Variants in TRAPPC10 observed in about 807,000 individuals in gnomAD.
TRAPPC10 encodes trafficking protein particle complex subunit 10.
A neutral mutation model predicts 125.5 loss-of-function variants in TRAPPC10; 23 were observed. That is an observed-to-expected ratio of 0.18 (90% CI 0.13 to 0.26). The LOEUF (loss-of-function observed/expected upper bound fraction) is 0.26, where lower values mean the gene tolerates loss of function less well. TRAPPC10 is among the 10% of genes least tolerant of loss of function. TRAPPC10 has a pLI of 1.00. For missense variants in TRAPPC10, 1,123 were observed against 1,308.4 expected (o/e 0.86, Z 2.19); for synonymous variants, 509 against 518.0 (o/e 0.98, Z 0.24).
At position 44,094,069 on chromosome 21, in the gene TRAPPC10, T is replaced by C; in HGVS notation, c.3004T>C (p.Tyr1002His). Residue 1002 changes from tyrosine (Y) to histidine (H), a missense_variant, in exon 20 of 23, where the codon TAC (tyrosine) becomes CAC (histidine). Around this residue, in one of 4 missense-constraint regions of TRAPPC10, gnomAD observed 840 missense variants for 902.0 expected, o/e 0.93. Coordinates refer to ENST00000291574, the MANE Select transcript of TRAPPC10 (RefSeq NM_003274.5). ...CCCCCAACTCTCTTTCCAGCCCATC[T>C]ACAGCAAGCAGTCGGTGTTCTTCGT... ...PLNTQSQQPI[Y>H]SKQSVFFVWE... 1 of 1,613,344 alleles carries C rather than the reference T, an allele frequency of 6.2e-7. No individual in the cohort carries two copies. The highest frequency in any genetic ancestry group is 8.5e-7 in the Non-Finnish European group (1 of 1,179,808).
At position 44,079,672 on chromosome 21, in the gene TRAPPC10, C is replaced by T. The variant is rs746327394; in HGVS notation, c.1578C>T (p.Ala526=). The T allele has an allele frequency of 1.1e-5, 17 of 1,607,690 alleles. 1 individual carries two copies. Among genetic ancestry groups the T allele is most frequent in the Middle Eastern group, 1.6e-4 (1 of 6,062 alleles). ...TCACACACACAAGGAAGCAGCTGGC[C>T]GAATGTCAAAAGCACCTTGGACAAA... ...LPITHTRKQL[A]ECQKHLGQIE... is the part of the protein sequence containing the mutation. The change falls in exon 12 of 23, where the codon GCC becomes GCT. Residue 526 remains alanine, a synonymous_variant. Coordinates refer to ENST00000291574, the MANE Select transcript of TRAPPC10 (RefSeq NM_003274.5).
intron 1 of TRAPPC10, among the ~76,000 whole-genome samples, chr21:44,013,811 G>C (rs1416356970): frequency 6.6e-6 from 1 of 152,124 alleles, no homozygotes; most frequent in Admixed American, 6.5e-5. Flanking sequence ...TTGGAGACTT[G>C]CATAGTTCAG....
chr21:44,083,470 T>G (rs2096744431), intron 14 of TRAPPC10, among the ~76,000 whole-genome samples, 168 bp downstream of exon 14: 2 of 152,258 alleles, frequency 1.3e-5, no homozygotes, highest in Non-Finnish European at 2.9e-5. Flanking sequence ...CTTTCGTGTT[T>G]TATACAATTT....
In TRAPPC10 at chr21:44,027,681, C is replaced by T. The variant is rs78293273; in HGVS notation, c.68-4410C>T. ...AAGTGCCGGGGGCATAGCAGGCGCA[C>T]GGTGCTGTCTGGAGGGACGGTAAAC... is the stretch of plus-strand genomic sequence containing the variant. On this transcript the variant is annotated intron_variant, in intron 1 of 22. Transcript: ENST00000291574. Among the ~76,000 whole-genome samples the T allele has an allele frequency of 3.7e-3, 567 of 152,256 alleles. 7 individuals are homozygous for T. Among genetic ancestry groups the T allele is most frequent in the African/African-American group, 0.013 (539 of 41,552 alleles).
chr21:44,074,888 G>A, intron 8 of TRAPPC10, 151 bp from the exon 9 acceptor site: 1 of 640,120 alleles, frequency 1.6e-6, no homozygotes, highest in Non-Finnish European at 2.7e-6. Context: ...TGTTGTGTAG[G>A]ATGTATTTTT....
At chr21:44,023,854 C>G (rs944353481) in intron 1 of TRAPPC10, among the ~76,000 whole-genome samples, 1 of 152,260 alleles carries the variant, frequency 6.6e-6, no homozygotes, top group African/African-American at 2.4e-5. Flanking sequence ...TCTCAGCCCA[C>G]TGCAACCTCT....
Position 44,092,000 on chromosome 21 carries a change from G to T in TRAPPC10, c.2948G>T (p.Gly983Val). 6.2e-7 allele frequency: 1 copy of T among 1,614,156 alleles called. No individual in the cohort carries two copies. The highest frequency in any genetic ancestry group is 8.5e-7 in the Non-Finnish European group (1 of 1,180,024). The change falls in exon 19 of 23, where the codon GGT becomes GTT. Residue 983 changes from glycine to valine, a missense_variant. Gly to Val is a moderately radical substitution (Grantham distance 109, BLOSUM62 -3). Coordinates refer to ENST00000291574, the MANE Select transcript of TRAPPC10 (RefSeq NM_003274.5). The stretch of plus-strand genomic sequence containing the variant: ...TCAGATAGTTATCTTGTAGATACCG[G>T]TGATAGTACCGACCTGCAACTAGTA... Reference protein sequence around the residue: ...QLSDSYLVDTGDSTDLQLVPL... With the variant: ...QLSDSYLVDTVDSTDLQLVPL...
In TRAPPC10 at chr21:44,075,095, A is replaced by T. The variant is rs768476661; in HGVS notation, c.1242A>T (p.Glu414Asp). 26 of 1,614,112 alleles carry T rather than the reference A, an allele frequency of 1.6e-5. No homozygotes were observed. Among genetic ancestry groups the T allele is most frequent in the Non-Finnish European group, 2.0e-5 (24 of 1,180,048 alleles). The stretch of plus-strand genomic sequence containing the variant: ...TGTCAGAGAAAGGACCTAACTCAGA[A>T]GATCTCAACAGGACAGTTGACCTTT... ...GLVSEKGPNS[E>D]DLNRTVDLLA... Residue 414 changes from glutamate (E) to aspartate (D), a missense_variant, in exon 9 of 23, where the codon GAA (glutamate) becomes GAT (aspartate). By Grantham distance (45) the Glu-to-Asp change is conservative. Coordinates refer to ENST00000291574, the MANE Select transcript of TRAPPC10 (RefSeq NM_003274.5).
chr21:44,083,465 G>A (rs575092149), intron 14 of TRAPPC10, among the ~76,000 whole-genome samples, 163 bp downstream of exon 14: 5 of 152,226 alleles, frequency 3.3e-5, no homozygotes, highest in Admixed American at 2.0e-4. Context: ...GTTTTCTTTC[G>A]TGTTTTATAC....
chr21:44,074,650 G>A (rs2037142734), intron 8 of TRAPPC10, among the ~76,000 whole-genome samples, 180 bp downstream of exon 8: 1 of 152,224 alleles, frequency 6.6e-6, no homozygotes, highest in African/African-American at 2.4e-5. Context: ...ACCACATGTC[G>A]ATGTAGTCAG....
At chr21:44,073,429 C>G (rs1392299975) in intron 7 of TRAPPC10, among the ~76,000 whole-genome samples, 2 of 152,178 alleles carry the variant, frequency 1.3e-5, no homozygotes, top group Admixed American at 6.5e-5. Flanking sequence ...TAAGATGCCA[C>G]TTGATTAAGA....
intron 1 of TRAPPC10, among the ~76,000 whole-genome samples, chr21:44,026,427 G>C (rs1302722928): frequency 6.6e-6 from 1 of 152,136 alleles, no homozygotes; most frequent in Admixed American, 6.6e-5. Context: ...TTCCCAGTTT[G>C]TAATCTCGGA....
At chr21:44,023,481 G>A (rs1165333950) in intron 1 of TRAPPC10, among the ~76,000 whole-genome samples, 2 of 152,074 alleles carry the variant, frequency 1.3e-5, no homozygotes, top group African/African-American at 4.8e-5. Context: ...TTGTTGCCTC[G>A]TTGGTGAGCA....
At chr21:44,064,809 C>G (rs2036319904) in intron 7 of TRAPPC10, among the ~76,000 whole-genome samples, 1 of 152,154 alleles carries the variant, frequency 6.6e-6, no homozygotes, top group Admixed American at 6.6e-5. Context: ...CAGAGCTAAG[C>G]TCATTAGTAC....
At position 44,082,083 on chromosome 21, in the gene TRAPPC10, A is replaced by G. The variant is rs759134590; in HGVS notation, c.1724-705A>G. On this transcript the variant is annotated intron_variant, in intron 13 of 22. Coordinates refer to ENST00000291574, the MANE Select transcript of TRAPPC10 (RefSeq NM_003274.5). The surrounding 1 kb of genome is among the most constrained non-coding windows in gnomAD (Gnocchi z 4.4). ...CTCTATACGAATAAAATATTCCACA[A>G]TCGTTTACTGTTTCTCATGATCTAT... is the stretch of plus-strand genomic sequence containing the variant. Among the ~76,000 whole-genome samples, 20 of 152,310 alleles carry G rather than the reference A, an allele frequency of 1.3e-4. No individual in the cohort carries two copies. Among genetic ancestry groups the G allele is most frequent in the Admixed American group, 7.2e-4 (11 of 15,290 alleles).
At chr21:44,029,373 C>T (rs760329470) in intron 1 of TRAPPC10, among the ~76,000 whole-genome samples, 10 of 152,186 alleles carry the variant, frequency 6.6e-5, no homozygotes, top group African/African-American at 1.2e-4. Flanking sequence ...GGATTACAGG[C>T]GTGAGCCACT....
chr21:44,062,778 C>T (rs984202402), intron 6 of TRAPPC10: 2 of 985,400 alleles, frequency 2.0e-6, no homozygotes, highest in Non-Finnish European at 2.4e-6. Context: ...GAGAAGCTCA[C>T]GTCAGTGAAG....
Position 44,087,136 on chromosome 21 carries a change from T to A in TRAPPC10, c.2539+176T>A, listed in dbSNP as rs1032822388. ...GCCTGTGCTGGGGTCCCATCTGAGGTGATAAACTGAGAGTGGTTCACACGC... is the reference window on the plus strand; with the variant it reads ...GCCTGTGCTGGGGTCCCATCTGAGGAGATAAACTGAGAGTGGTTCACACGC... On this transcript the variant is annotated intron_variant, in intron 16 of 22. Coordinates refer to ENST00000291574, the MANE Select transcript of TRAPPC10 (RefSeq NM_003274.5). This position sits in a 1 kb window ranked among gnomAD's most constrained non-coding sequence, Gnocchi z 4.6. Among the ~76,000 whole-genome samples the A allele has an allele frequency of 6.6e-6, 1 of 152,108 alleles. No individual in the cohort carries two copies. Among genetic ancestry groups the A allele is most frequent in the South Asian group, 2.1e-4 (1 of 4,822 alleles).
chr21:44,035,912 A>C (rs958148468), intron 2 of TRAPPC10, among the ~76,000 whole-genome samples: 17 of 152,224 alleles, frequency 1.1e-4, no homozygotes, highest in African/African-American at 4.1e-4. Context: ...TGTATAGCTG[A>C]AAAGCAAATT....
Sources: allele counts gnomAD v4.1 joint callset (sites outside exome capture counted in the v4.1 genomes callset), GRCh38; gene constraint gnomAD v4.1.1; regional missense constraint gnomAD v4.1.1; non-coding constraint Gnocchi (gnomAD v3.1); transcripts MANE v1.5; gene names NCBI Gene and HGNC (gene_info 2026-07-23, HGNC 2026-07-21).